Variants in PRIM2 observed in about 807,000 individuals in gnomAD.
PRIM2 encodes DNA primase subunit 2, also known as DNA primase large subunit.
Under a neutral mutation model 67.3 loss-of-function variants are expected in PRIM2, and 39 were observed. The ratio of observed to expected loss-of-function variants is 0.58; its 90% CI spans 0.45 to 0.76. The LOEUF (loss-of-function observed/expected upper bound fraction) is 0.76. PRIM2 is among the 30% of genes least tolerant of loss of function. The pLI is 0.00. For missense variants in PRIM2, 398 were observed against 598.7 expected, an observed-to-expected ratio of 0.66 and a Z score of 3.50; for synonymous variants, 143 against 198.7, an observed-to-expected ratio of 0.72 and a Z score of 2.36.
Position 57,352,072 on chromosome 6 carries a change from G to T in PRIM2, c.459+26027G>T, listed in dbSNP as rs543403087. Among the ~76,000 whole-genome samples, 1,002 of 152,230 alleles carry T rather than the reference G, an allele frequency of 6.6e-3. 7 individuals are homozygous for T. Among genetic ancestry groups the T allele is most frequent in the Non-Finnish European group, 0.01 (682 of 68,008 alleles). On this transcript the variant is annotated intron_variant, in intron 5 of 13. Coordinates refer to ENST00000615550, the MANE Select transcript of PRIM2 (RefSeq NM_000947.5). ...CTCATTAAAGGTTAGCTATCTTATTGTTTATTGAAGGTTTAAAATTAAACA... is the reference window on the plus strand; with the variant it reads ...CTCATTAAAGGTTAGCTATCTTATTTTTTATTGAAGGTTTAAAATTAAACA...
At position 57,633,047 on chromosome 6, in the gene PRIM2, A is replaced by T. The variant is rs1398838700; in HGVS notation, c.1299+846A>T. On this transcript the variant is annotated intron_variant, in intron 13 of 13. Coordinates refer to ENST00000615550, the MANE Select transcript of PRIM2 (RefSeq NM_000947.5). ...TCAGAGGCCTACAGAGATGGGGCAT[A>T]TAGCCCAAAAAAGTGAAGCTGCCTG... Among the ~76,000 whole-genome samples the T allele has an allele frequency of 3.9e-5, 6 of 152,382 alleles. No individual in the cohort carries two copies. In the South Asian group the frequency reaches 1.0e-3, roughly 26 times the overall value.
At chr6:57,358,721 C>A (rs1427895235) in intron 5 of PRIM2, among the ~76,000 whole-genome samples, 1 of 151,932 alleles carries the variant, frequency 6.6e-6, no homozygotes, top group Non-Finnish European at 1.5e-5. Flanking sequence ...ATTGGCAGTA[C>A]AGTAAAAATT....
At chr6:57,246,701 G>T in the PRIM2 span, among the ~76,000 whole-genome samples, 1 of 152,094 alleles carries the variant, frequency 6.6e-6, no homozygotes, top group Non-Finnish European at 1.5e-5. Context: ...ACAGGGAGGG[G>T]CAGCCAGCCC....
chr6:57,543,584 A>C (rs1474555293), intron 10 of PRIM2, among the ~76,000 whole-genome samples: 9 of 152,168 alleles, frequency 5.9e-5, no homozygotes, highest in African/African-American at 2.2e-4. Flanking sequence ...ATCTCCAGCA[A>C]TTTTGAGCTC....
the PRIM2 span, among the ~76,000 whole-genome samples, chr6:57,278,779 C>G: frequency 6.6e-6 from 1 of 151,660 alleles, no homozygotes; most frequent in African/African-American, 2.4e-5. Context: ...GGAGGGAAAG[C>G]GTGTCCAGCA....
At chr6:57,345,998 A>C (rs1260452912) in intron 5 of PRIM2, among the ~76,000 whole-genome samples, 1 of 152,226 alleles carries the variant, frequency 6.6e-6, no homozygotes, top group African/African-American at 2.4e-5. Flanking sequence ...ATTAGCATAT[A>C]GTGAGCAGTA....
chr6:57,349,038 C>G (rs940295251), intron 5 of PRIM2, among the ~76,000 whole-genome samples: 1 of 152,108 alleles, frequency 6.6e-6, no homozygotes, highest in East Asian at 1.9e-4. Flanking sequence ...AGACACCATG[C>G]CTGGCCTCCT....
chr6:57,632,430 T>A (rs1777051743), intron 13 of PRIM2, among the ~76,000 whole-genome samples: 1 of 152,144 alleles, frequency 6.6e-6, no homozygotes, highest in Non-Finnish European at 1.5e-5. Flanking sequence ...CATGAGAAAA[T>A]CTTTACTACA....
At chr6:57,558,925 C>G (rs1775573216) in intron 10 of PRIM2, among the ~76,000 whole-genome samples, 2 of 151,778 alleles carry the variant, frequency 1.3e-5, no homozygotes, top group South Asian at 2.1e-4. Context: ...CCCAGGAGCT[C>G]AAGACCAGCC....
At chr6:57,569,183 C>G (rs1269874513) in intron 10 of PRIM2, among the ~76,000 whole-genome samples, 1 of 152,140 alleles carries the variant, frequency 6.6e-6, no homozygotes, top group East Asian at 1.9e-4. Flanking sequence ...ATAATAATCT[C>G]TATTTTTTGT....
chr6:57,574,653 C>T (rs1256373141), intron 10 of PRIM2, among the ~76,000 whole-genome samples: 2 of 150,598 alleles, frequency 1.3e-5, no homozygotes, highest in Non-Finnish European at 3.0e-5. Flanking sequence ...ATGCACTAGC[C>T]AGGAAAGAGG....
chr6:57,275,006 C>A, the PRIM2 span, among the ~76,000 whole-genome samples: 2 of 150,210 alleles, frequency 1.3e-5, no homozygotes, highest in Non-Finnish European at 2.9e-5. Flanking sequence ...AGGATGGTCT[C>A]AATCTCCTGA....
chr6:57,312,437 G>C (rs1003331402), upstream of PRIM2, among the ~76,000 whole-genome samples: 3 of 152,024 alleles, frequency 2.0e-5, no homozygotes, highest in African/African-American at 7.2e-5. Flanking sequence ...AGGAGGTGGA[G>C]GCTGCAGTGG....
intron 7 of PRIM2, among the ~76,000 whole-genome samples, chr6:57,414,360 G>A (rs1771190795): frequency 6.6e-6 from 1 of 152,104 alleles, no homozygotes; most frequent in Admixed American, 6.5e-5. Context: ...GGTTCTATAA[G>A]TGTTTATTGA....
chr6:57,563,934 C>T (rs2127479149), intron 10 of PRIM2, among the ~76,000 whole-genome samples: 1 of 152,354 alleles, frequency 6.6e-6, no homozygotes, highest in East Asian at 1.9e-4. Flanking sequence ...GCTGGGATTA[C>T]AGGCGTGAGC....
At chr6:57,392,516 A>T (rs1331633670) in intron 7 of PRIM2, among the ~76,000 whole-genome samples, 1 of 152,048 alleles carries the variant, frequency 6.6e-6, no homozygotes, top group East Asian at 1.9e-4. Flanking sequence ...TCTTTCCTAA[A>T]TCCAAAGCTA....
chr6:57,310,135 A>C (rs1050093055), upstream of PRIM2, among the ~76,000 whole-genome samples: 22 of 152,314 alleles, frequency 1.4e-4, no homozygotes, highest in African/African-American at 5.3e-4. Flanking sequence ...TGGGCAAAGG[A>C]CATGAACAGA....
At chr6:57,615,706 G>A (rs1776743880) in intron 12 of PRIM2, among the ~76,000 whole-genome samples, 1 of 152,088 alleles carries the variant, frequency 6.6e-6, no homozygotes, top group East Asian at 1.9e-4. Context: ...GACCACCCTG[G>A]GCAACATAGG....
chr6:57,513,613 G>A (rs1260309542), intron 8 of PRIM2, among the ~76,000 whole-genome samples: 1 of 152,168 alleles, frequency 6.6e-6, no homozygotes, highest in African/African-American at 2.4e-5. Context: ...GCTATTATTG[G>A]CTGGACGCGG....
Sources: gnomAD v4.1 joint callset for allele counts (sites outside exome capture counted in the v4.1 genomes callset) on GRCh38, gnomAD v4.1.1 for gene constraint, MANE v1.5 for transcripts, NCBI Gene and HGNC (gene_info 2026-07-23, HGNC 2026-07-21) for gene names.